Variants in CAMK2B observed in about 807,000 individuals in gnomAD.
The protein encoded by CAMK2B is calcium/calmodulin dependent protein kinase II beta.
Under a neutral mutation model 93.7 loss-of-function variants are expected in CAMK2B, and 27 were observed. That is an observed-to-expected ratio of 0.29 (90% confidence interval 0.21 to 0.40). CAMK2B has a LOEUF of 0.40. Among genes scored for constraint, CAMK2B ranks in the 10% least tolerant of loss-of-function variants. The probability of loss-of-function intolerance (pLI) is 1.00; values close to 1 mark genes in which losing one functional copy is unlikely to be tolerated. For missense variants in CAMK2B, 568 were observed against 895.8 expected (o/e 0.63, Z 4.67); for synonymous variants, 374 against 358.8 (o/e 1.04, Z -0.48).
At chr7:44,227,720 G>T in intron 19 of CAMK2B, among the ~76,000 whole-genome samples, 1 of 25,896 alleles carries the variant, frequency 3.9e-5, no homozygotes, top group Non-Finnish European at 6.7e-5. Flanking sequence ...GGTGGGTGTG[G>T]GGGACAGAGG....
At chr7:44,233,716 A>G (rs2096600277) in intron 15 of CAMK2B, among the ~76,000 whole-genome samples, 1 of 152,254 alleles carries the variant, frequency 6.6e-6, no homozygotes, top group African/African-American at 2.4e-5. Flanking sequence ...GGCAAGGGGC[A>G]CTGAGGGGCG....
intron 1 of CAMK2B, among the ~76,000 whole-genome samples, chr7:44,319,217 T>G (rs1457009978): frequency 1.6e-4 from 25 of 152,168 alleles, no homozygotes; most frequent in Non-Finnish European, 2.9e-5. Flanking sequence ...ATATTTAAAA[T>G]CTCCAGAAAG....
At chr7:44,267,371 C>T (rs2096929760) in intron 2 of CAMK2B, among the ~76,000 whole-genome samples, 2 of 152,200 alleles carry the variant, frequency 1.3e-5, no homozygotes. Flanking sequence ...GGTGATGCTT[C>T]AGTGGGGTTT....
intron 16 of CAMK2B, among the ~76,000 whole-genome samples, 194 bp downstream of exon 16, chr7:44,232,628 C>A (rs111595222): frequency 6.6e-6 from 1 of 152,210 alleles, no homozygotes; most frequent in Non-Finnish European, 1.5e-5. Context: ...CCTCCAGGGG[C>A]GCGCCTGGGG....
intron 1 of CAMK2B, among the ~76,000 whole-genome samples, chr7:44,314,692 C>T (rs1794425803): frequency 6.6e-6 from 1 of 152,306 alleles, no homozygotes; most frequent in East Asian, 1.9e-4. Context: ...GTAGCTGTGC[C>T]ATTTTACATC....
intron 15 of CAMK2B, 38 bp from the exon 16 acceptor site, chr7:44,232,904 G>A (rs1377714027): frequency 1.3e-6 from 2 of 1,594,696 alleles, no homozygotes; most frequent in Non-Finnish European, 1.7e-6. Context: ...GGAAAGAGAG[G>A]GAAAGTGAGA....
intron 6 of CAMK2B, among the ~76,000 whole-genome samples, chr7:44,244,530 C>T (rs1252711780): frequency 6.6e-6 from 1 of 152,088 alleles, no homozygotes; most frequent in Non-Finnish European, 1.5e-5. Context: ...CAGGCCACCC[C>T]TTTGCCCTGG....
chr7:44,315,505 C>T lies in CAMK2B; in HGVS notation c.65+9852G>A, dbSNP rs1235067914. ...TGTAGTTAGTTTTGAAATCAGAACC[C>T]GTGAGTCCTCTGACTTTGTTCTCCT... is the stretch of plus-strand genomic sequence containing the variant. On this transcript the variant is annotated intron_variant, in intron 1 of 23. Transcript: ENST00000395749. 3.3e-5 allele frequency among the ~76,000 whole-genome samples: 5 copies of T among 152,192 alleles called. No individual in the cohort carries two copies. The South Asian group carries it at 6.2e-4, about 19-fold the overall frequency.
intron 1 of CAMK2B, among the ~76,000 whole-genome samples, chr7:44,315,215 C>T (rs890589941): frequency 3.3e-5 from 5 of 152,154 alleles, no homozygotes; most frequent in South Asian, 2.1e-4. Flanking sequence ...ATTTTAGCTC[C>T]TACATTTAGA....
At chr7:44,278,884 A>C (rs929361825) in intron 2 of CAMK2B, among the ~76,000 whole-genome samples, 1 of 152,198 alleles carries the variant, frequency 6.6e-6, no homozygotes. Context: ...CTCCCTCATC[A>C]AGAGTTCTGA....
chr7:44,263,313 G>A (rs2096896128), intron 2 of CAMK2B, among the ~76,000 whole-genome samples: 1 of 152,234 alleles, frequency 6.6e-6, no homozygotes, highest in South Asian at 2.1e-4. Flanking sequence ...CTGCTAACTC[G>A]GGGCTAAAAG....
chr7:44,307,059 G>A (rs1436198522), intron 1 of CAMK2B, among the ~76,000 whole-genome samples: 1 of 129,488 alleles, frequency 7.7e-6, no homozygotes, highest in Non-Finnish European at 1.7e-5. Flanking sequence ...AGCAGGGGGA[G>A]GAGGGTCTGA....
intron 2 of CAMK2B, among the ~76,000 whole-genome samples, chr7:44,273,778 C>T (rs2097000324): frequency 6.6e-6 from 1 of 152,226 alleles, no homozygotes; most frequent in African/African-American, 2.4e-5. Flanking sequence ...CTGCCCCCAA[C>T]TCTGTCCATG....
intron 2 of CAMK2B, among the ~76,000 whole-genome samples, chr7:44,273,515 G>C (rs982558702): frequency 6.9e-6 from 1 of 144,534 alleles, no homozygotes; most frequent in Non-Finnish European, 1.6e-5. Flanking sequence ...GGGCTTGCTA[G>C]GCCATCCCTC....
chr7:44,318,142 G>A (rs1330312172), intron 1 of CAMK2B, among the ~76,000 whole-genome samples: 2 of 152,200 alleles, frequency 1.3e-5, no homozygotes, highest in Non-Finnish European at 2.9e-5. Context: ...CAAACTCACA[G>A]ACGCTGAGAA....
intron 1 of CAMK2B, among the ~76,000 whole-genome samples, chr7:44,316,448 C>T (rs1232724073): frequency 6.6e-6 from 1 of 152,090 alleles, no homozygotes; most frequent in Non-Finnish European, 1.5e-5. Context: ...GTTGAGGATG[C>T]TTCATCTGCA....
intron 12 of CAMK2B, 23 bp from the exon 13 acceptor site, chr7:44,239,686 G>A (rs1464618363): frequency 2.9e-5 from 44 of 1,500,086 alleles, no homozygotes; most frequent in Non-Finnish European, 3.6e-5. Flanking sequence ...GGTTAGAGAC[G>A]AGGGGAAGGG....
At chr7:44,272,673 G>A (rs868430239) in intron 2 of CAMK2B, among the ~76,000 whole-genome samples, 2 of 152,164 alleles carry the variant, frequency 1.3e-5, no homozygotes, top group Non-Finnish European at 2.9e-5. Flanking sequence ...CGAGGGCCTC[G>A]TCACTATTTG....
chr7:44,234,137 C>T (rs919043678), intron 15 of CAMK2B, among the ~76,000 whole-genome samples: 1 of 152,240 alleles, frequency 6.6e-6, no homozygotes, highest in Non-Finnish European at 1.5e-5. Flanking sequence ...CCCTGCACCC[C>T]AACATCTGTG....
Sources: gnomAD v4.1 joint callset for allele counts (sites outside exome capture counted in the v4.1 genomes callset) on GRCh38, gnomAD v4.1.1 for gene constraint, MANE v1.5 for transcripts, NCBI Gene and HGNC (gene_info 2026-07-23, HGNC 2026-07-21) for gene names.